Variants in TBC1D5 observed in about 807,000 individuals in gnomAD.
TBC1D5 encodes TBC1 domain family member 5.
TBC1D5 carries 75 observed loss-of-function variants against 100.3 expected under a neutral mutation model. The ratio of observed to expected loss-of-function variants is 0.75; its 90% CI spans 0.62 to 0.91. TBC1D5 has a LOEUF of 0.91. TBC1D5 is among the 40% of genes least tolerant of loss of function. The pLI is 0.00. For synonymous variants in TBC1D5, 323 were observed against 325.6 expected (o/e 0.99, Z 0.09); for missense variants, 910 against 942.4 (o/e 0.97, Z 0.45).
intron 2 of TBC1D5, among the ~76,000 whole-genome samples, chr3:17,517,668 GGTTT>G (rs2096008548): frequency 6.6e-6 from 1 of 151,946 alleles, no homozygotes; most frequent in African/African-American, 2.4e-5. Context: ...AATAACATCT[GGTTT>G]ATATTTGACA....
chr3:17,261,872 TTATAAAAATATAA>T (rs1165025803), intron 15 of TBC1D5, among the ~76,000 whole-genome samples: 7 of 152,016 alleles, frequency 4.6e-5, no homozygotes, highest in African/African-American at 1.4e-4. Context: ...AAATAAAACT[TTATAAAAATATAA>T]TGATTTCTAA....
At chr3:17,643,332 T>C (rs535241527) in intron 1 of TBC1D5, among the ~76,000 whole-genome samples, 1 of 152,124 alleles carries the variant, frequency 6.6e-6, no homozygotes, top group Non-Finnish European at 1.5e-5. Context: ...TTACTGTTGA[T>C]GCTAACCTTC....
chr3:17,656,850 G>T (rs976153886), intron 1 of TBC1D5, among the ~76,000 whole-genome samples: 1 of 151,540 alleles, frequency 6.6e-6, no homozygotes, highest in African/African-American at 2.4e-5. Context: ...TATAAAATGC[G>T]CATTCGAATG....
At chr3:17,613,946 C>A (rs1333098066) in intron 2 of TBC1D5, among the ~76,000 whole-genome samples, 1 of 152,208 alleles carries the variant, frequency 6.6e-6, no homozygotes, top group Non-Finnish European at 1.5e-5. Context: ...GTGTTTCAGT[C>A]ATGAAGTCCT....
Position 17,606,982 on chromosome 3 carries a change from A to G in TBC1D5, c.-36+16867T>C, listed in dbSNP as rs1467335678. On this transcript the variant is annotated intron_variant, in intron 2 of 21. Transcript: ENST00000253692. ...CCTTTACAATAATTAGTTCGATTTT[A>G]CCAAAGAGAATAATTAGCCATGGTT... Among the ~76,000 whole-genome samples the G allele has an allele frequency of 2.0e-5, 3 of 152,352 alleles. No individual in the cohort carries two copies. In the East Asian group the frequency reaches 5.8e-4, roughly 29 times the overall value.
chr3:17,600,152 T>C (rs1237580217), intron 2 of TBC1D5, among the ~76,000 whole-genome samples: 1 of 152,220 alleles, frequency 6.6e-6, no homozygotes, highest in Admixed American at 6.5e-5. Context: ...AACCTAGACA[T>C]ATCTCCAAAT....
intron 12 of TBC1D5, among the ~76,000 whole-genome samples, chr3:17,373,294 A>G (rs2092557050): frequency 6.6e-6 from 1 of 152,134 alleles, no homozygotes; most frequent in Non-Finnish European, 1.5e-5. Context: ...GAATGAAGTG[A>G]CTGAGTAATA....
intron 3 of TBC1D5, among the ~76,000 whole-genome samples, chr3:17,432,196 T>G (rs2149411780): frequency 6.6e-6 from 1 of 152,160 alleles, no homozygotes; most frequent in East Asian, 1.9e-4. Flanking sequence ...CTGGGTGGGG[T>G]ATTTAATAGT....
chr3:17,612,984 C>G lies in TBC1D5; in HGVS notation c.-36+10865G>C, dbSNP rs569605836. ...ATGTGCCATGTTGGTTTGCTGCACC[C>G]CTCAACAAGTCATTTACATTACATA... is the stretch of plus-strand genomic sequence containing the variant. On this transcript the variant is annotated intron_variant, in intron 2 of 21. Transcript: ENST00000253692. 1.4e-3 allele frequency among the ~76,000 whole-genome samples: 213 copies of G among 151,808 alleles called. 1 individual carries two copies. The highest frequency in any genetic ancestry group is 2.8e-3 in the Non-Finnish European group (187 of 67,934).
At chr3:17,478,834 C>T (rs1211095112) in intron 3 of TBC1D5, among the ~76,000 whole-genome samples, 1 of 152,162 alleles carries the variant, frequency 6.6e-6, no homozygotes, top group African/African-American at 2.4e-5. Context: ...ATGTAGCTTA[C>T]TGAATCTCCA....
At chr3:17,484,525 G>A (rs2095537668) in intron 3 of TBC1D5, among the ~76,000 whole-genome samples, 3 of 146,446 alleles carry the variant, frequency 2.0e-5, no homozygotes, top group East Asian at 2.0e-4. Context: ...AGCATCCTGA[G>A]GTGACTTTTA....
chr3:17,543,871 T>A (rs1404751819), intron 2 of TBC1D5, among the ~76,000 whole-genome samples: 1 of 151,630 alleles, frequency 6.6e-6, no homozygotes, highest in East Asian at 1.9e-4. Flanking sequence ...TGTTTGTTTT[T>A]TTTTTCTTTT....
chr3:17,439,446 T>C (rs891729499), intron 3 of TBC1D5, among the ~76,000 whole-genome samples: 8 of 152,302 alleles, frequency 5.3e-5, no homozygotes, highest in Middle Eastern at 3.4e-3. Flanking sequence ...AGTGAAGGCA[T>C]ATATTCTCAA....
At chr3:17,619,632 G>T (rs2062482053) in intron 2 of TBC1D5, among the ~76,000 whole-genome samples, 1 of 152,124 alleles carries the variant, frequency 6.6e-6, no homozygotes, top group Admixed American at 6.5e-5. Flanking sequence ...AAAACTACAA[G>T]TACTTTTTAA....
chr3:17,234,958 A>C (rs1473759180), intron 17 of TBC1D5, among the ~76,000 whole-genome samples: 1 of 152,164 alleles, frequency 6.6e-6, no homozygotes, highest in Non-Finnish European at 1.5e-5. Context: ...AGTGATAAAC[A>C]GCTTTTAGTG....
rs531387506 is a variant in TBC1D5 at position 17,467,841 on chromosome 3, G to A, written c.98-39322C>T. Among the ~76,000 whole-genome samples the A allele has an allele frequency of 3.3e-5, 5 of 152,256 alleles. No individual in the cohort carries two copies. In the South Asian group the frequency reaches 1.0e-3, roughly 32 times the overall value. ...AAACCCGGGAGGCAGAGATTGCAATGAGCCGAGATCATGACACTGTACTGC... is the reference window on the plus strand; with the variant it reads ...AAACCCGGGAGGCAGAGATTGCAATAAGCCGAGATCATGACACTGTACTGC... On this transcript the variant is annotated intron_variant, in intron 3 of 21. Coordinates refer to ENST00000253692, the Ensembl canonical transcript of TBC1D5.
Position 17,448,797 on chromosome 3 carries a change from G to A in TBC1D5, c.98-20278C>T, listed in dbSNP as rs2094857393. Among the ~76,000 whole-genome samples, 3 of 152,252 alleles carry A rather than the reference G, an allele frequency of 2.0e-5. No individual in the cohort carries two copies. In the South Asian group the frequency reaches 6.2e-4, roughly 32 times the overall value. ...GAGAGGAGATTTAATTAACTCTTAA[G>A]GGCCCTAGGATCCTCAAAATTGTTA... On this transcript the variant is annotated intron_variant, in intron 3 of 21. Transcript: ENST00000253692.
chr3:17,405,290 G>A (rs1396635510), intron 5 of TBC1D5, among the ~76,000 whole-genome samples: 1 of 151,978 alleles, frequency 6.6e-6, no homozygotes, highest in African/African-American at 2.4e-5. Flanking sequence ...AGTCTTAATG[G>A]GAGTGGTAAG....
At chr3:17,613,963 T>C (rs978396295) in intron 2 of TBC1D5, among the ~76,000 whole-genome samples, 5 of 152,232 alleles carry the variant, frequency 3.3e-5, no homozygotes, top group African/African-American at 1.2e-4. Flanking sequence ...TCCTTGACCA[T>C]ACCTATGTCC....
Sources: allele counts gnomAD v4.1 joint callset (sites outside exome capture counted in the v4.1 genomes callset), GRCh38; gene constraint gnomAD v4.1.1; transcripts MANE v1.5; gene names NCBI Gene and HGNC (gene_info 2026-07-23, HGNC 2026-07-21).